The following DEUP1 variants were observed in gnomAD, a reference collection of about 807,000 sequenced individuals.
DEUP1 encodes deuterosome assembly protein 1.
DEUP1 carries 82 observed loss-of-function variants against 87.4 expected under a neutral mutation model. That is an observed-to-expected ratio of 0.94 (90% CI 0.78 to 1.13). The LOEUF (loss-of-function observed/expected upper bound fraction) is 1.13, where lower values mean the gene tolerates loss of function less well. Ranked by LOEUF, DEUP1 falls within the 50% of genes most tolerant of loss-of-function variation. DEUP1 has a pLI of 0.00. For missense variants in DEUP1, 663 were observed against 681.5 expected (o/e 0.97, Z 0.30); for synonymous variants, 214 against 222.7 (o/e 0.96, Z 0.35).
At chr11:93,340,566 G>A (rs757035022) in intron 2 of DEUP1, among the ~76,000 whole-genome samples, 33 of 152,160 alleles carry the variant, frequency 2.2e-4, no homozygotes, top group Non-Finnish European at 3.5e-4. Flanking sequence ...TAAAAGGCTC[G>A]CTCTAGTTGC....
chr11:93,365,590 A>G (rs918432696), intron 5 of DEUP1, among the ~76,000 whole-genome samples: 15 of 152,212 alleles, frequency 9.9e-5, no homozygotes, highest in Admixed American at 9.2e-4. Flanking sequence ...TCAGACAAAA[A>G]AAGCCTTAAG....
Position 93,385,498 on chromosome 11 carries a change from T to A in DEUP1, c.890T>A (p.Leu297Ter). 1 of 1,610,802 alleles carries A rather than the reference T, an allele frequency of 6.2e-7. No individual in the cohort carries two copies. The highest frequency in any genetic ancestry group is 8.5e-7 in the Non-Finnish European group (1 of 1,178,574). ...EMERLQLHRE[L>*]LKIGECQNAQ... is the part of the protein sequence containing the mutation. The stretch of plus-strand genomic sequence containing the variant: ...GAACGATTGCAATTACACAGAGAAT[T>A]ATTAAAAATAGGAGAGTGCCAAAAT... Residue 297 changes from leucine to a stop codon, truncating the protein, a stop_gained, in exon 8 of 14, where the codon TTA becomes TAA. Transcript: ENST00000298050. LOFTEE classifies it high-confidence loss of function.
chr11:93,357,453 A>C (rs1591125501), intron 4 of DEUP1: 1 of 159,546 alleles, frequency 6.3e-6, no homozygotes, highest in East Asian at 1.9e-4. Flanking sequence ...AATTGAAATA[A>C]TAAAACTGGT....
At chr11:93,389,244 G>A in intron 9 of DEUP1, 119 bp downstream of exon 9, 1 of 656,656 alleles carries the variant, frequency 1.5e-6, no homozygotes, top group Non-Finnish European at 2.7e-6. Context: ...TTTTTTGTAA[G>A]GTGATAATCT....
At chr11:93,400,493 C>T (rs1212374378) in intron 11 of DEUP1, among the ~76,000 whole-genome samples, 1 of 152,052 alleles carries the variant, frequency 6.6e-6, no homozygotes, top group Non-Finnish European at 1.5e-5. Context: ...CCAAATTTTC[C>T]CATTTTATAG....
chr11:93,435,499 T>C (rs1277782401), intron 13 of DEUP1, among the ~76,000 whole-genome samples: 1 of 152,220 alleles, frequency 6.6e-6, no homozygotes, highest in Non-Finnish European at 1.5e-5. Context: ...ACAGATAGCA[T>C]AGCCTTGTTC....
intron 13 of DEUP1, among the ~76,000 whole-genome samples, chr11:93,427,787 C>A (rs1337483207): frequency 7.9e-6 from 1 of 126,000 alleles, no homozygotes; most frequent in East Asian, 2.5e-4. Context: ...AAGAAAAAAA[C>A]AAACAACCCC....
At chr11:93,360,955 C>T (rs1162973394) in intron 4 of DEUP1, among the ~76,000 whole-genome samples, 1 of 142,774 alleles carries the variant, frequency 7.0e-6, no homozygotes, top group Admixed American at 6.9e-5. Context: ...GCTGAGTGAA[C>T]TTCAAACAGG....
Position 93,367,822 on chromosome 11 carries a change from T to A in DEUP1, c.433-2251T>A, listed in dbSNP as rs191379904. Reference sequence around the variant, plus strand: ...CAACCATGTTGTTTTCTTTACAACATTTTTTGAGAATGTTTAAATTCTAGG... The same window carrying A: ...CAACCATGTTGTTTTCTTTACAACAATTTTTGAGAATGTTTAAATTCTAGG... On this transcript the variant is annotated intron_variant, in intron 5 of 13. Transcript: ENST00000298050. Among the ~76,000 whole-genome samples the A allele has an allele frequency of 3.8e-4, 58 of 152,316 alleles. 1 individual carries two copies. The highest frequency in any genetic ancestry group is 1.3e-3 in the African/African-American group (56 of 41,578).
intron 7 of DEUP1, among the ~76,000 whole-genome samples, chr11:93,379,815 ATT>A (rs66813412): frequency 0.31 from 47,563 of 151,738 alleles, 8,316 homozygotes; most frequent in Non-Finnish European, 0.42. Context: ...ACCTATTTTG[ATT>A]TTTTCTTATG....
intron 7 of DEUP1, among the ~76,000 whole-genome samples, chr11:93,381,911 A>C (rs914598434): frequency 2.0e-5 from 3 of 152,170 alleles, no homozygotes; most frequent in Non-Finnish European, 4.4e-5. Context: ...TGAGGTTTTT[A>C]CTTTTTTTCA....
chr11:93,335,156 TTGA>T (rs1277608334), intron 2 of DEUP1, among the ~76,000 whole-genome samples: 4 of 152,214 alleles, frequency 2.6e-5, no homozygotes, highest in Admixed American at 6.5e-5. Context: ...GATATCTTCT[TTGA>T]CTCAAGAGAT....
At chr11:93,383,288 CA>C (rs1379229248) in intron 7 of DEUP1, among the ~76,000 whole-genome samples, 1 of 152,100 alleles carries the variant, frequency 6.6e-6, no homozygotes, top group African/African-American at 2.4e-5. Context: ...CAGCCATAAA[CA>C]GGAATCAACC....
chr11:93,357,320 C>CA (rs1944946020), intron 4 of DEUP1: 2 of 216,104 alleles, frequency 9.3e-6, no homozygotes, highest in African/African-American at 2.3e-5. Flanking sequence ...AATTAGCTCA[C>CA]AAAAAATAAT....
chr11:93,402,237 A>G (rs1947140945), intron 11 of DEUP1, among the ~76,000 whole-genome samples: 1 of 152,144 alleles, frequency 6.6e-6, no homozygotes, highest in Non-Finnish European at 1.5e-5. Context: ...ACAGATGGCC[A>G]ACAGGTATAT....
intron 12 of DEUP1, among the ~76,000 whole-genome samples, chr11:93,410,432 GAAT>G (rs1947402546): frequency 6.6e-6 from 1 of 152,160 alleles, no homozygotes; most frequent in African/African-American, 2.4e-5. Flanking sequence ...TTTGGTGTAA[GAAT>G]ATATGTTCTA....
chr11:93,427,923 G>A (rs968837446), intron 13 of DEUP1, among the ~76,000 whole-genome samples: 3 of 148,236 alleles, frequency 2.0e-5, no homozygotes, highest in Non-Finnish European at 4.5e-5. Flanking sequence ...ACCACAATGA[G>A]ATACCATCTC....
chr11:93,385,353 T>C (rs1173110081), intron 7 of DEUP1, 45 bp from the exon 8 acceptor site: 2 of 1,595,988 alleles, frequency 1.3e-6, no homozygotes, highest in East Asian at 2.2e-5. Flanking sequence ...TTGTACGTTA[T>C]GATAACCAAC....
At position 93,396,458 on chromosome 11, in the gene DEUP1, T is replaced by C. The variant is rs368879641; in HGVS notation, c.1326+133T>C. 1.7e-5 allele frequency: 10 copies of C among 581,280 alleles called. No homozygotes were observed. In the African/African-American group the frequency reaches 1.7e-4, roughly 10 times the overall value. 36.0% of individuals were successfully genotyped at this position (581,280 alleles called of 1,614,324 possible). A position where few individuals can be genotyped will look rare whatever the true frequency, so the allele number is the denominator to read the frequency against. On this transcript the variant is annotated intron_variant, in intron 11 of 13. Coordinates refer to ENST00000298050, the MANE Select transcript of DEUP1 (RefSeq NM_181645.4). Reference sequence around the variant, plus strand: ...AGTTGGGTGGTAAATTATCTTGTGCTTCAGTTGAGGTTACTTTTATCCTCA... The same window carrying C: ...AGTTGGGTGGTAAATTATCTTGTGCCTCAGTTGAGGTTACTTTTATCCTCA...
Sources: allele counts gnomAD v4.1 joint callset (sites outside exome capture counted in the v4.1 genomes callset), GRCh38; gene constraint gnomAD v4.1.1; transcripts MANE v1.5; gene names NCBI Gene and HGNC (gene_info 2026-07-23, HGNC 2026-07-21).